The following GAB3 variants were observed in gnomAD, a reference collection of about 807,000 sequenced individuals.
The protein encoded by GAB3 is GRB2-associated-binding protein 3.
In GAB3, 12 loss-of-function variants were observed where a neutral mutation model predicts 40.4. The ratio of observed to expected loss-of-function variants is 0.30; its 90% CI spans 0.19 to 0.48. The LOEUF (loss-of-function observed/expected upper bound fraction) is 0.48, where lower values mean the gene tolerates loss of function less well. Ranked by LOEUF, GAB3 falls within the 20% of genes least tolerant of loss-of-function variation. GAB3 has a pLI of 0.99. For missense variants in GAB3, 381 were observed against 461.9 expected (o/e 0.82, Z 1.61); for synonymous variants, 154 against 176.7 (o/e 0.87, Z 1.02).
rs200068719 is a variant in GAB3 at position 154,678,199 on chromosome X, A to C, written c.1743T>G (p.Asp581Glu). 1 of 1,180,807 alleles carries C rather than the reference A, an allele frequency of 8.5e-7. No homozygotes were observed. The highest frequency in any genetic ancestry group is 1.1e-6 in the Non-Finnish European group (1 of 870,874). The part of the protein sequence containing the change: ...ALQSTKQEWT[D>E]ERQSKV ...CCTCTCATACTTTGGATTGCCTTTCATCCGTCCACTCCTGTTTTGTGCTCT... is the reference window on the plus strand; with the variant it reads ...CCTCTCATACTTTGGATTGCCTTTCCTCCGTCCACTCCTGTTTTGTGCTCT... The change falls in exon 10 of 10, where the codon GAT becomes GAG. Residue 581 changes from aspartate (D) to glutamate (E), a missense_variant. Asp to Glu is a conservative substitution (Grantham distance 45). Around this residue, in one of 2 missense-constraint regions of GAB3, gnomAD observed 17 missense variants for 40.9 expected, o/e 0.42. Transcript: ENST00000424127.
intron 4 of GAB3, among the ~76,000 whole-genome samples, chrX:154,707,657 G>A (rs2070832962): frequency 9.0e-6 from 1 of 111,673 alleles, no homozygotes; most frequent in South Asian, 3.7e-4. Context: ...ACAAGGATCC[G>A]TATTGTCACC....
intron 4 of GAB3, among the ~76,000 whole-genome samples, chrX:154,708,808 C>G (rs1557254471): frequency 8.9e-6 from 1 of 111,936 alleles, no homozygotes; most frequent in Non-Finnish European, 1.9e-5. Context: ...GGAGGTTCCT[C>G]AGAAACTAAA....
At chrX:154,729,745 C>G (rs782512538) in intron 1 of GAB3, among the ~76,000 whole-genome samples, 1 of 111,742 alleles carries the variant, frequency 8.9e-6, no homozygotes, top group African/African-American at 3.3e-5. Context: ...ATTGACATTC[C>G]TAATCTCGTG....
intron 4 of GAB3, among the ~76,000 whole-genome samples, chrX:154,703,918 T>C (rs1457471224): frequency 1.8e-5 from 2 of 111,980 alleles, no homozygotes; most frequent in African/African-American, 6.5e-5. Context: ...GAAATCAGTG[T>C]ATCAAAGAGA....
intron 1 of GAB3, among the ~76,000 whole-genome samples, chrX:154,739,004 C>T (rs1370858104): frequency 9.0e-6 from 1 of 111,650 alleles, no homozygotes; most frequent in Non-Finnish European, 1.9e-5. Flanking sequence ...ATCGTCTTTC[C>T]TGACAGTTTA....
chrX:154,696,903 G>A (rs1315903745), intron 7 of GAB3, among the ~76,000 whole-genome samples: 1 of 112,816 alleles, frequency 8.9e-6, no homozygotes, highest in Non-Finnish European at 1.9e-5. Flanking sequence ...GAAGTGAGTA[G>A]ATTCCTTGGG....
At chrX:154,700,995 A>T (rs1569557433) in intron 4 of GAB3, among the ~76,000 whole-genome samples, 3 of 111,741 alleles carry the variant, frequency 2.7e-5, no homozygotes, top group Admixed American at 9.5e-5. Context: ...ATATATGTGT[A>T]TGTATATATG....
intron 1 of GAB3, among the ~76,000 whole-genome samples, chrX:154,735,356 C>T (rs1486870602): frequency 5.3e-5 from 6 of 112,210 alleles, no homozygotes; most frequent in Non-Finnish European, 9.4e-5. Flanking sequence ...TTCCCTTCAT[C>T]CCATTTACAA....
At chrX:154,742,790 G>C (rs2071462212) in intron 1 of GAB3, among the ~76,000 whole-genome samples, 1 of 110,189 alleles carries the variant, frequency 9.1e-6, no homozygotes, top group African/African-American at 3.3e-5. Context: ...CAAATCTATA[G>C]AGACAGAAAG....
At position 154,676,026 on chromosome X, in the gene GAB3, C is replaced by T. The variant is rs1557245395; in HGVS notation, c.*2152G>A. ...ATTCTGACCCCTATCGCCTTCCATA[C>T]CTTTAATGTAGAGAGTGCCTATTCA... On this transcript the variant is annotated 3_prime_UTR_variant, in exon 10 of 10. Transcript: ENST00000424127. 1 of 112,012 alleles carries T rather than the reference C, an allele frequency of 8.9e-6. No individual in the cohort carries two copies. The highest frequency in any genetic ancestry group is 1.9e-5 in the Non-Finnish European group (1 of 53,203). 9.2% of individuals were successfully genotyped at this position (112,012 alleles called of 1,213,427 possible).
chrX:154,751,091 G>C (rs1367787171), upstream of GAB3: 1 of 758,728 alleles, frequency 1.3e-6, no homozygotes, highest in Non-Finnish European at 1.6e-6. Context: ...GTCGGGCCAA[G>C]GATGCCGGCG....
chrX:154,749,895 T>A (rs2071585782), intron 1 of GAB3, among the ~76,000 whole-genome samples: 1 of 112,797 alleles, frequency 8.9e-6, no homozygotes, highest in South Asian at 3.6e-4. Flanking sequence ...ATGTGCCTCA[T>A]CTATGTGGGA....
chrX:154,736,467 G>T (rs1557260542), intron 1 of GAB3, among the ~76,000 whole-genome samples: 1 of 112,405 alleles, frequency 8.9e-6, no homozygotes, highest in African/African-American at 3.2e-5. Context: ...TATTCTCTCA[G>T]AAAATAACAA....
intron 1 of GAB3, among the ~76,000 whole-genome samples, chrX:154,741,099 G>A (rs1399273186): frequency 2.7e-5 from 3 of 111,868 alleles, no homozygotes; most frequent in African/African-American, 9.8e-5. Flanking sequence ...TCTCACGATA[G>A]CAAATAAGTC....
intron 4 of GAB3, among the ~76,000 whole-genome samples, chrX:154,701,369 A>G (rs1433526795): frequency 8.9e-6 from 1 of 112,746 alleles, no homozygotes; most frequent in African/African-American, 3.2e-5. Context: ...ATAAATATAG[A>G]GAAAACTCTG....
At chrX:154,689,800 A>G (rs1321108841) in intron 8 of GAB3, among the ~76,000 whole-genome samples, 2 of 105,367 alleles carry the variant, frequency 1.9e-5, no homozygotes, top group Non-Finnish European at 4.0e-5. Flanking sequence ...TTCCATGCTC[A>G]TGGGTAGGAA....
rs192997457 is a variant in GAB3 at position 154,704,454 on chromosome X, A to G, written c.1070-4395T>C. 6.2e-5 allele frequency among the ~76,000 whole-genome samples: 7 copies of G among 112,041 alleles called. No individual in the cohort carries two copies. The East Asian group carries it at 2.0e-3, about 31-fold the overall frequency. On this transcript the variant is annotated intron_variant, in intron 4 of 9. Coordinates refer to ENST00000424127, the MANE Select transcript of GAB3 (RefSeq NM_001081573.3). ...AACAAATGCATGATGTGATTATTTCACATTGTATGCCTGTATCAAAACATC... is the reference window on the plus strand; with the variant it reads ...AACAAATGCATGATGTGATTATTTCGCATTGTATGCCTGTATCAAAACATC...
chrX:154,705,197 A>G (rs2070789947), intron 4 of GAB3, among the ~76,000 whole-genome samples: 1 of 111,634 alleles, frequency 9.0e-6, no homozygotes, highest in South Asian at 3.7e-4. Context: ...ACTACAGGCC[A>G]GTATCTCTGA....
chrX:154,733,785 T>C (rs190067227), intron 1 of GAB3, among the ~76,000 whole-genome samples: 371 of 112,347 alleles, frequency 3.3e-3, no homozygotes, highest in African/African-American at 0.011. Flanking sequence ...GAGATTGATC[T>C]ACAATTTTCT....
Sources: allele counts gnomAD v4.1 joint callset (sites outside exome capture counted in the v4.1 genomes callset), GRCh38; gene constraint gnomAD v4.1.1; regional missense constraint gnomAD v4.1.1; transcripts MANE v1.5; gene names NCBI Gene and HGNC (gene_info 2026-07-23, HGNC 2026-07-21).